The following PRR5L variants were observed in gnomAD, a reference collection of about 807,000 sequenced individuals.
PRR5L encodes proline rich 5 like, also known as proline-rich protein 5-like.
In PRR5L, 21 loss-of-function variants were observed where a neutral mutation model predicts 36.4. The observed-to-expected ratio is 0.58, with a 90% confidence interval of 0.41 to 0.83. The LOEUF is 0.83. Ranked by LOEUF, PRR5L falls within the 40% of genes least tolerant of loss-of-function variation. The pLI, the probability that PRR5L is intolerant of heterozygous loss-of-function variation, is 0.00. For synonymous variants in PRR5L, 188 were observed against 197.0 expected (o/e 0.95, Z 0.38); for missense variants, 381 against 473.3 (o/e 0.80, Z 1.81).
chr11:36,340,606 G>C lies in PRR5L; in HGVS notation c.-126+44168G>C, dbSNP rs531915855. On this transcript the variant is annotated intron_variant, in intron 1 of 8. Transcript: ENST00000530639. Reference sequence around the variant, plus strand: ...GTGAAATGTCTGGGACTCACACCCTGGCATTCTGGCTTCAGAGTCTTTGCT... The same window carrying C: ...GTGAAATGTCTGGGACTCACACCCTCGCATTCTGGCTTCAGAGTCTTTGCT... Among the ~76,000 whole-genome samples, 174 of 152,232 alleles carry C rather than the reference G, an allele frequency of 1.1e-3. 1 individual carries two copies. The highest frequency in any genetic ancestry group is 4.2e-3 in the African/African-American group (173 of 41,538).
intron 3 of PRR5L, among the ~76,000 whole-genome samples, chr11:36,409,473 GTCTGAGTTGAAATATCTTCCT>G (rs1857980743): frequency 6.6e-6 from 1 of 152,216 alleles, no homozygotes; most frequent in African/African-American, 2.4e-5. Flanking sequence ...TCTCTGACAG[GTCTGAGTTGAAATATCTTCCT>G]TCTGAGTCAG....
rs557619883 is a variant in PRR5L at position 36,377,539 on chromosome 11, C to A, written c.-125-23458C>A. ...TCCGGCCCATTTTCCTTGAGGCCGC[C>A]GCCCGGGGTGGGACCAGGCTGTGTG... is the stretch of plus-strand genomic sequence containing the variant. On this transcript the variant is annotated intron_variant, in intron 1 of 8. Transcript: ENST00000530639. This position sits in a 1 kb window ranked among gnomAD's most constrained non-coding sequence, Gnocchi z 5.1. 2 of 152,480 alleles carry A rather than the reference C, an allele frequency of 1.3e-5. No individual in the cohort carries two copies. Among genetic ancestry groups the A allele is most frequent in the South Asian group, 4.1e-4 (2 of 4,828 alleles). The allele number at this position is 152,480 out of a possible 1,614,324, so 9.4% of individuals were successfully genotyped here.
chr11:36,405,490 G>A (rs887696639), intron 3 of PRR5L, among the ~76,000 whole-genome samples: 1 of 152,184 alleles, frequency 6.6e-6, no homozygotes, highest in African/African-American at 2.4e-5. Context: ...AGAGTGTTGA[G>A]TCCCAGAAAA....
chr11:36,298,290 T>G lies in PRR5L; in HGVS notation c.-126+1852T>G, dbSNP rs1007511721. Among the ~76,000 whole-genome samples, 5 of 152,216 alleles carry G rather than the reference T, an allele frequency of 3.3e-5. No individual in the cohort carries two copies. The South Asian group carries it at 1.0e-3, about 31-fold the overall frequency. ...CAGGGTAGGGATGGTTTCAGGATGA[T>G]TCAAGTGCATTACATTTATTGAGAA... On this transcript the variant is annotated intron_variant, in intron 1 of 8. Coordinates refer to ENST00000530639, the MANE Select transcript of PRR5L (RefSeq NM_001160167.2).
At chr11:36,398,565 G>A (rs68181316) in intron 1 of PRR5L, 20,924 of 152,236 alleles carry the variant, frequency 0.14, 1,953 homozygotes, top group African/African-American at 0.27. Context: ...TGAGAGTGGC[G>A]GATTCGGGAG....
intron 1 of PRR5L, among the ~76,000 whole-genome samples, chr11:36,375,441 A>G (rs1366459570): frequency 6.6e-6 from 1 of 152,146 alleles, no homozygotes; most frequent in Non-Finnish European, 1.5e-5. Flanking sequence ...ACCGTAACAC[A>G]TAGGTTTTGT....
chr11:36,411,660 T>C (rs1013484786), intron 3 of PRR5L, among the ~76,000 whole-genome samples: 10 of 152,150 alleles, frequency 6.6e-5, no homozygotes, highest in Non-Finnish European at 8.8e-5. Context: ...GGAAGTCCAA[T>C]ATGTGAAACA....
chr11:36,385,988 T>C (rs1169959462), intron 1 of PRR5L, among the ~76,000 whole-genome samples: 1 of 152,232 alleles, frequency 6.6e-6, no homozygotes, highest in East Asian at 1.9e-4. Flanking sequence ...GAAGTGCACC[T>C]TTCATTCCAT....
chr11:36,336,678 C>G (rs1856772064), intron 1 of PRR5L, among the ~76,000 whole-genome samples: 1 of 151,802 alleles, frequency 6.6e-6, no homozygotes, highest in Non-Finnish European at 1.5e-5. Context: ...AAACGTCATT[C>G]TCATCAATAG....
intron 8 of PRR5L, 89 bp downstream of exon 8, chr11:36,451,424 T>C: frequency 6.8e-7 from 1 of 1,475,742 alleles, no homozygotes; most frequent in Non-Finnish European, 9.3e-7. Flanking sequence ...TGAGCACTGA[T>C]ACCAGCACTG....
intron 8 of PRR5L, among the ~76,000 whole-genome samples, chr11:36,456,256 C>T (rs979930300): frequency 1.2e-4 from 19 of 152,330 alleles, no homozygotes; most frequent in East Asian, 5.8e-4. Flanking sequence ...AATCACTCCC[C>T]GGGGAGGTTG....
intron 5 of PRR5L, among the ~76,000 whole-genome samples, chr11:36,433,737 G>A (rs534047160): frequency 1.3e-5 from 2 of 152,110 alleles, no homozygotes; most frequent in Admixed American, 6.5e-5. Flanking sequence ...TTTAGTAGGC[G>A]TTTCACCATG....
rs374973485 is a variant in PRR5L at position 36,397,949 on chromosome 11, C to G, written c.-125-3048C>G. Among the ~76,000 whole-genome samples the G allele has an allele frequency of 3.3e-5, 5 of 152,204 alleles. No homozygotes were observed. The East Asian group carries it at 7.7e-4, about 24-fold the overall frequency. On this transcript the variant is annotated intron_variant, in intron 1 of 8. Transcript: ENST00000530639. ...TCGCCGGGATTAAAGGCATGCGCCCCCATGCCCGGCTCATTTTGTATTTTT... is the reference window on the plus strand; with the variant it reads ...TCGCCGGGATTAAAGGCATGCGCCCGCATGCCCGGCTCATTTTGTATTTTT...
chr11:36,366,768 C>T (rs753007241), intron 1 of PRR5L, among the ~76,000 whole-genome samples: 1 of 152,270 alleles, frequency 6.6e-6, no homozygotes, highest in East Asian at 1.9e-4. Context: ...GGCTTTGACT[C>T]TGAGGAAAGG....
intron 1 of PRR5L, among the ~76,000 whole-genome samples, chr11:36,379,728 G>A (rs73445112): frequency 0.013 from 1,955 of 152,290 alleles, 52 homozygotes; most frequent in African/African-American, 0.045. Context: ...GGGGATGGAT[G>A]GCAGTGATGG....
At chr11:36,386,697 T>C (rs1483773693) in intron 1 of PRR5L, 1 of 152,298 alleles carries the variant, frequency 6.6e-6, no homozygotes, top group African/African-American at 2.4e-5. Context: ...GATTTGCCTC[T>C]TGGTTCCTCT....
intron 6 of PRR5L, among the ~76,000 whole-genome samples, chr11:36,440,378 T>C (rs917611918): frequency 3.3e-5 from 5 of 152,210 alleles, no homozygotes; most frequent in Non-Finnish European, 7.3e-5. Flanking sequence ...TGATTCAGTA[T>C]GCCCTGCTGG....
intron 1 of PRR5L, among the ~76,000 whole-genome samples, chr11:36,400,424 A>G (rs1053679821): frequency 2.0e-5 from 3 of 152,202 alleles, no homozygotes; most frequent in Admixed American, 2.0e-4. Flanking sequence ...ATGTTCTGCA[A>G]CTCACAGTGG....
intron 1 of PRR5L, among the ~76,000 whole-genome samples, chr11:36,325,364 C>CA (rs1405648538): frequency 6.6e-6 from 1 of 152,250 alleles, no homozygotes; most frequent in Non-Finnish European, 1.5e-5. Flanking sequence ...GCCACGGTAG[C>CA]AAACGGCAGT....
Sources: gnomAD v4.1 joint callset for allele counts (sites outside exome capture counted in the v4.1 genomes callset) on GRCh38, gnomAD v4.1.1 for gene constraint, Gnocchi (gnomAD v3.1) non-coding constraint, MANE v1.5 for transcripts, NCBI Gene and HGNC (gene_info 2026-07-23, HGNC 2026-07-21) for gene names.